Variants in EPS15L1 observed in about 807,000 individuals in gnomAD.
EPS15L1 encodes the protein epidermal growth factor receptor substrate 15-like 1.
In EPS15L1, 43 loss-of-function variants were observed where a neutral mutation model predicts 117.1. That is an observed-to-expected ratio of 0.37 (90% CI 0.29 to 0.47). EPS15L1 has a LOEUF of 0.47. Among genes scored for constraint, EPS15L1 ranks in the 20% least tolerant of loss-of-function variants. The pLI, the probability that EPS15L1 is intolerant of heterozygous loss-of-function variation, is 0.99. For missense variants in EPS15L1, 981 were observed against 1,164.0 expected (o/e 0.84, Z 2.29); for synonymous variants, 459 against 470.5 (o/e 0.98, Z 0.32).
chr19:16,436,882 TG>T, intron 6 of EPS15L1, 54 bp downstream of exon 6: 1 of 1,377,122 alleles, frequency 7.3e-7, no homozygotes, highest in South Asian at 1.2e-5. Context: ...GAACAACTGC[TG>T]GAACAATTCT....
chr19:16,410,199 G>A (rs2092694666), intron 13 of EPS15L1, among the ~76,000 whole-genome samples: 1 of 151,804 alleles, frequency 6.6e-6, no homozygotes, highest in Non-Finnish European at 1.5e-5. Flanking sequence ...AAAAGGGCAA[G>A]GAATCGGAAT....
At chr19:16,436,796 G>C in intron 6 of EPS15L1, 141 bp downstream of exon 6, 2 of 653,038 alleles carry the variant, frequency 3.1e-6, no homozygotes, top group South Asian at 4.2e-5. Flanking sequence ...CTCACACTGA[G>C]ACAGAAGAGC....
Position 16,404,638 on chromosome 19 carries a change from G to T in EPS15L1, c.1378C>A (p.Arg460=), listed in dbSNP as rs2092637148. The change falls in exon 14 of 24, where the codon CGA becomes AGA. Residue 460 remains arginine, a synonymous_variant. Coordinates refer to ENST00000455140, the MANE Select transcript of EPS15L1 (RefSeq NM_001258374.3). This position sits in a 1 kb window ranked among gnomAD's most constrained non-coding sequence, Gnocchi z 4.2. ...TGCCGGACGTCGCTCAGCATGTCTC[G>T]GAGCTTGGCCTTCTGCTGGTCCATC... ...DEMDQQKAKL[R]DMLSDVRQKC... 1 of 1,614,138 alleles carries T rather than the reference G, an allele frequency of 6.2e-7. No homozygotes were observed. Among genetic ancestry groups the T allele is most frequent in the Non-Finnish European group, 8.5e-7 (1 of 1,180,014 alleles).
chr19:16,368,621 C>G (rs2092173622), intron 22 of EPS15L1, among the ~76,000 whole-genome samples: 1 of 152,000 alleles, frequency 6.6e-6, no homozygotes, highest in Admixed American at 6.6e-5. Flanking sequence ...CATCATTCAC[C>G]CTACACAACA....
At chr19:16,414,810 A>C (rs963253096) in intron 12 of EPS15L1, among the ~76,000 whole-genome samples, 2 of 151,916 alleles carry the variant, frequency 1.3e-5, no homozygotes, top group Middle Eastern at 3.4e-3. Flanking sequence ...CCTGGGCTCA[A>C]GCAATCCTCC....
intron 22 of EPS15L1, among the ~76,000 whole-genome samples, chr19:16,376,304 G>A (rs942652151): frequency 1.3e-5 from 2 of 152,216 alleles, no homozygotes; most frequent in Non-Finnish European, 2.9e-5. Flanking sequence ...TCAGGGAGCT[G>A]CAGTGACTCC....
At chr19:16,432,018 G>A (rs1164479958) in intron 7 of EPS15L1, among the ~76,000 whole-genome samples, 1 of 152,314 alleles carries the variant, frequency 6.6e-6, no homozygotes. Context: ...GTGCAGGACT[G>A]ATTGCAGGAC....
At chr19:16,422,173 G>A (rs556767988) in intron 9 of EPS15L1, among the ~76,000 whole-genome samples, 2 of 152,310 alleles carry the variant, frequency 1.3e-5, no homozygotes, top group Admixed American at 6.5e-5. Context: ...TGGGTCACCC[G>A]CTGCACGTGC....
In EPS15L1 at chr19:16,418,120, G is replaced by A. The variant is rs2144926100; in HGVS notation, c.951-16C>T. 1 of 1,607,216 alleles carries A rather than the reference G, an allele frequency of 6.2e-7. No individual in the cohort carries two copies. Among genetic ancestry groups the A allele is most frequent in the South Asian group, 1.1e-5 (1 of 90,234 alleles). On this transcript the variant is annotated splice_polypyrimidine_tract_variant and intron_variant, in intron 10 of 23. Coordinates refer to ENST00000455140, the MANE Select transcript of EPS15L1 (RefSeq NM_001258374.3). ...GGCCAGGGCCCTGGGAGAAACGTGG[G>A]GATGCTAATTACACATCACAGGCGC... is the stretch of plus-strand genomic sequence containing the variant.
At chr19:16,413,713 A>C in intron 13 of EPS15L1, 60 bp downstream of exon 13, 1 of 1,414,658 alleles carries the variant, frequency 7.1e-7, no homozygotes, top group Non-Finnish European at 1.0e-6. Flanking sequence ...CAGGGAGGGA[A>C]GTTTTCCTGA....
chr19:16,466,918 A>T (rs1468426452), intron 1 of EPS15L1, among the ~76,000 whole-genome samples: 1 of 151,760 alleles, frequency 6.6e-6, no homozygotes, highest in East Asian at 1.9e-4. Flanking sequence ...AAAAAAAAAA[A>T]AGGAAAGCAC....
chr19:16,423,995 G>A (rs2144963583), intron 9 of EPS15L1, among the ~76,000 whole-genome samples: 1 of 152,376 alleles, frequency 6.6e-6, no homozygotes, highest in African/African-American at 2.4e-5. Context: ...TTAGCAGCAA[G>A]ATTCTGATGC....
Position 16,385,114 on chromosome 19 carries a change from G to A in EPS15L1, c.2247+15C>T, listed in dbSNP as rs555219097. 19 of 1,611,268 alleles carry A rather than the reference G, an allele frequency of 1.2e-5. 1 individual carries two copies. Among genetic ancestry groups the A allele is most frequent in the South Asian group, 3.3e-5 (3 of 91,022 alleles). ...ACACTAGCAGAGGCGCGGGGGCTCC[G>A]TGGAGGGGCTTTACCTTGGACATCT... is the stretch of plus-strand genomic sequence containing the variant. On this transcript the variant is annotated intron_variant, in intron 21 of 23. Coordinates refer to ENST00000455140, the MANE Select transcript of EPS15L1 (RefSeq NM_001258374.3).
chr19:16,395,888 T>C (rs1194135842), intron 16 of EPS15L1, among the ~76,000 whole-genome samples: 1 of 146,446 alleles, frequency 6.8e-6, no homozygotes, highest in Non-Finnish European at 1.5e-5. Flanking sequence ...GAGGTTGCAG[T>C]GAGCTGAGAT....
intron 9 of EPS15L1, among the ~76,000 whole-genome samples, chr19:16,422,978 G>C (rs554322933): frequency 6.7e-5 from 10 of 149,708 alleles, no homozygotes; most frequent in Non-Finnish European, 1.0e-4. Context: ...AAAGGGGGGG[G>C]GGATTTCTCA....
At chr19:16,397,924 C>T (rs1054396937) in intron 16 of EPS15L1, among the ~76,000 whole-genome samples, 8 of 152,138 alleles carry the variant, frequency 5.3e-5, no homozygotes, top group Admixed American at 3.3e-4. Flanking sequence ...CAGCACAACA[C>T]CCTCATTGAA....
chr19:16,454,574 C>A (rs374887016), intron 1 of EPS15L1, among the ~76,000 whole-genome samples: 1 of 152,276 alleles, frequency 6.6e-6, no homozygotes, highest in South Asian at 2.1e-4. Context: ...CAAATGAGTG[C>A]CTTGTGAGAC....
intron 6 of EPS15L1, chr19:16,436,715 T>C: frequency 2.2e-6 from 1 of 457,762 alleles, no homozygotes; most frequent in Non-Finnish European, 3.9e-6. Context: ...AACTCCCAAT[T>C]CCAGTGAAGG....
intron 1 of EPS15L1, among the ~76,000 whole-genome samples, chr19:16,452,466 A>G (rs2080437426): frequency 1.3e-5 from 2 of 150,606 alleles, no homozygotes; most frequent in South Asian, 4.2e-4. Context: ...AAAAAAACAC[A>G]AGCCAGAGCC....
Sources: allele counts gnomAD v4.1 joint callset (sites outside exome capture counted in the v4.1 genomes callset), GRCh38; gene constraint gnomAD v4.1.1; non-coding constraint Gnocchi (gnomAD v3.1); transcripts MANE v1.5; gene names NCBI Gene and HGNC (gene_info 2026-07-23, HGNC 2026-07-21).